The following SKA2 variants were observed in gnomAD, a reference collection of about 807,000 sequenced individuals.
SKA2 encodes the protein spindle and kinetochore-associated protein 2.
Under a neutral mutation model 16.9 loss-of-function variants are expected in SKA2, and 13 were observed. That is an observed-to-expected ratio of 0.77 (90% CI 0.50 to 1.22). The LOEUF is 1.22. Among genes scored for constraint, SKA2 ranks in the 50% most tolerant of loss-of-function variants. SKA2 has a pLI of 0.00. For missense variants in SKA2, 107 were observed against 139.7 expected, an observed-to-expected ratio of 0.77 and a Z score of 1.18; for synonymous variants, 47 against 48.5, an observed-to-expected ratio of 0.97 and a Z score of 0.13.
At chr17:59,128,750 T>G (rs1436427055) in intron 2 of SKA2, among the ~76,000 whole-genome samples, 1 of 152,134 alleles carries the variant, frequency 6.6e-6, no homozygotes, top group Non-Finnish European at 1.5e-5. Flanking sequence ...TAGATTCGTC[T>G]TTGGGAGCTT....
Position 59,147,221 on chromosome 17 carries a change from AAAAAAC to A in SKA2, c.33+7904_33+7909del, listed in dbSNP as rs369241944. Reference sequence around the variant, plus strand: ...CCTTGGCCCCTCCTCTAGGTTATTAAAAAAACAAAAACAAAAACAAAAACAAAATCA... The same window carrying A: ...CCTTGGCCCCTCCTCTAGGTTATTAAAAAAACAAAAACAAAAACAAAATCA... On this transcript the variant is annotated intron_variant, in intron 1 of 3. Transcript: ENST00000330137. Among the ~76,000 whole-genome samples the A allele has an allele frequency of 1.8e-3, 277 of 152,218 alleles. 1 individual carries two copies. Among genetic ancestry groups the A allele is most frequent in the African/African-American group, 6.2e-3 (258 of 41,528 alleles).
intron 1 of SKA2, among the ~76,000 whole-genome samples, chr17:59,133,123 C>T (rs1162312835): frequency 6.6e-6 from 1 of 152,170 alleles, no homozygotes; most frequent in East Asian, 1.9e-4. Context: ...ACTACAGGCA[C>T]ATGCCATGGC....
chr17:59,114,078 T>C (rs904300224), intron 3 of SKA2, among the ~76,000 whole-genome samples: 3 of 152,176 alleles, frequency 2.0e-5, no homozygotes, highest in Admixed American at 1.3e-4. Flanking sequence ...CAGGGTTCTC[T>C]CAGCAGTGAG....
intron 1 of SKA2, among the ~76,000 whole-genome samples, chr17:59,147,013 A>T (rs944395669): frequency 2.7e-5 from 4 of 149,690 alleles, no homozygotes; most frequent in African/African-American, 9.9e-5. Flanking sequence ...TTTGGGGGGG[A>T]CGGGCGTGGT....
At chr17:59,129,786 T>TG (rs1353994219) in intron 2 of SKA2, among the ~76,000 whole-genome samples, 1 of 146,930 alleles carries the variant, frequency 6.8e-6, no homozygotes, top group Non-Finnish European at 1.5e-5. Flanking sequence ...ACCTGGGAGG[T>TG]GGAGGCTGCA....
intron 1 of SKA2, among the ~76,000 whole-genome samples, chr17:59,135,070 A>G (rs963290600): frequency 2.6e-5 from 4 of 151,938 alleles, no homozygotes; most frequent in African/African-American, 9.7e-5. Context: ...CCTGACCTCA[A>G]GTGATCGGCC....
chr17:59,152,603 A>AAATAGTCAATGCTAGTT (rs58604484), intron 1 of SKA2, among the ~76,000 whole-genome samples: 66,053 of 152,092 alleles, frequency 0.43, 16,509 homozygotes, highest in African/African-American at 0.7. Context: ...ATTTCCTTTT[A>AAATAGTCAATGCTAGTT]CCTTGACAAA....
chr17:59,133,585 G>A (rs541764661), intron 1 of SKA2, among the ~76,000 whole-genome samples: 1 of 152,292 alleles, frequency 6.6e-6, no homozygotes, highest in East Asian at 1.9e-4. Flanking sequence ...GGTCTAATAA[G>A]AAATGATGTA....
intron 3 of SKA2, among the ~76,000 whole-genome samples, chr17:59,115,072 T>A (rs1167124167): frequency 2.7e-5 from 4 of 149,690 alleles, no homozygotes; most frequent in South Asian, 2.1e-4. Context: ...TTTTTTTTTT[T>A]AATTTTGAAA....
At chr17:59,128,299 G>A (rs1568305018) in intron 2 of SKA2, among the ~76,000 whole-genome samples, 1 of 151,854 alleles carries the variant, frequency 6.6e-6, no homozygotes, top group Non-Finnish European at 1.5e-5. Flanking sequence ...ATGAAGTACT[G>A]ATTGACGCTA....
intron 1 of SKA2, among the ~76,000 whole-genome samples, chr17:59,150,241 T>G (rs1029485568): frequency 6.6e-6 from 1 of 152,174 alleles, no homozygotes; most frequent in African/African-American, 2.4e-5. Context: ...GCCCTCCAGC[T>G]GGGCAACACA....
intron 1 of SKA2, among the ~76,000 whole-genome samples, chr17:59,154,316 A>C (rs2046603366): frequency 6.6e-6 from 1 of 152,194 alleles, no homozygotes; most frequent in African/African-American, 2.4e-5. Flanking sequence ...TAAAGAGAAC[A>C]AGTGAGGGAC....
intron 2 of SKA2, 79 bp downstream of exon 2, chr17:59,131,202 T>C: frequency 1.1e-6 from 1 of 895,516 alleles, no homozygotes; most frequent in South Asian, 1.7e-5. Context: ...GATCTATTAC[T>C]ATTAGGAATG....
chr17:59,146,672 T>C (rs913820206), intron 1 of SKA2, among the ~76,000 whole-genome samples: 4 of 152,190 alleles, frequency 2.6e-5, no homozygotes, highest in African/African-American at 9.7e-5. Flanking sequence ...TTCTTCATTT[T>C]TGTTTTTGAG....
Position 59,120,535 on chromosome 17 carries a change from A to T in SKA2, c.121-1040T>A, listed in dbSNP as rs577733898. 3.3e-5 allele frequency among the ~76,000 whole-genome samples: 5 copies of T among 152,282 alleles called. No individual in the cohort carries two copies. In the East Asian group the frequency reaches 9.7e-4, roughly 29 times the overall value. On this transcript the variant is annotated intron_variant, in intron 2 of 3. Coordinates refer to ENST00000330137, the MANE Select transcript of SKA2 (RefSeq NM_182620.4). ...AGTGCTAGAATTACAGGTGTGAGCC[A>T]CTGTATCCTGCCAGATTTCTTTTTT...
intron 3 of SKA2, among the ~76,000 whole-genome samples, chr17:59,118,570 A>G (rs1388290698): frequency 1.3e-5 from 2 of 150,566 alleles, no homozygotes; most frequent in South Asian, 4.2e-4. Flanking sequence ...GAGATGATTT[A>G]TAAAAGCTTA....
At chr17:59,133,220 C>A (rs757956166) in intron 1 of SKA2, among the ~76,000 whole-genome samples, 1 of 152,182 alleles carries the variant, frequency 6.6e-6, no homozygotes, top group Non-Finnish European at 1.5e-5. Flanking sequence ...CCTCAGCCTC[C>A]CGAAGTGCTG....
chr17:59,117,584 C>CT (rs200334726), intron 3 of SKA2, among the ~76,000 whole-genome samples: 1 of 150,476 alleles, frequency 6.6e-6, no homozygotes, highest in Non-Finnish European at 1.5e-5. Flanking sequence ...TCTTCTTTTT[C>CT]TTTTTTTTCT....
intron 1 of SKA2, chr17:59,137,647 A>G: frequency 2.6e-6 from 1 of 388,050 alleles, no homozygotes; most frequent in East Asian, 9.6e-5. Flanking sequence ...TCTTCTAATA[A>G]ATTAAAAATT....
Sources: gnomAD v4.1 joint callset for allele counts (sites outside exome capture counted in the v4.1 genomes callset) on GRCh38, gnomAD v4.1.1 for gene constraint, MANE v1.5 for transcripts, NCBI Gene and HGNC (gene_info 2026-07-23, HGNC 2026-07-21) for gene names.